UBAP2L: variants seen among roughly 807,000 people sequenced by gnomAD.
UBAP2L encodes ubiquitin-associated protein 2-like.
UBAP2L carries 12 observed loss-of-function variants against 130.6 expected under a neutral mutation model. That is an observed-to-expected ratio of 0.09 (90% CI 0.06 to 0.15). The LOEUF (loss-of-function observed/expected upper bound fraction) is 0.15, where lower values mean the gene tolerates loss of function less well. UBAP2L is among the 10% of genes least tolerant of loss of function. The probability of loss-of-function intolerance (pLI) is 1.00; values close to 1 mark genes in which losing one functional copy is unlikely to be tolerated. For synonymous variants in UBAP2L, 503 were observed against 524.7 expected, an observed-to-expected ratio of 0.96 and a Z score of 0.57; for missense variants, 965 against 1,332.5, an observed-to-expected ratio of 0.72 and a Z score of 4.29.
intron 22 of UBAP2L, among the ~76,000 whole-genome samples, chr1:154,260,607 A>T (rs1681239807): frequency 6.6e-6 from 1 of 152,216 alleles, no homozygotes; most frequent in African/African-American, 2.4e-5. Flanking sequence ...AAGAGGGAAG[A>T]TGAAAGAGAA....
At chr1:154,264,117 T>C (rs541727231) in intron 24 of UBAP2L, among the ~76,000 whole-genome samples, 1 of 152,378 alleles carries the variant, frequency 6.6e-6, no homozygotes, top group East Asian at 1.9e-4. Context: ...ATGGAAATTC[T>C]AATTCCCTCC....
intron 25 of UBAP2L, 39 bp downstream of exon 25, chr1:154,266,607 GAC>G: frequency 6.3e-7 from 1 of 1,598,030 alleles, no homozygotes; most frequent in Middle Eastern, 1.7e-4. Context: ...AAAAGAGATA[GAC>G]ATAGAGGAGG....
At chr1:154,243,553 T>C (rs1264131420) in intron 10 of UBAP2L, among the ~76,000 whole-genome samples, 1 of 152,130 alleles carries the variant, frequency 6.6e-6, no homozygotes, top group South Asian at 2.1e-4. Flanking sequence ...CTCTGCCTCC[T>C]GGGCTCAAGC....
intron 24 of UBAP2L, 81 bp from the exon 25 acceptor site, chr1:154,266,420 C>A: frequency 6.9e-7 from 1 of 1,442,818 alleles, no homozygotes; most frequent in Non-Finnish European, 9.8e-7. Context: ...GCTAGAAAGG[C>A]TACAGATATC....
At position 154,251,305 on chromosome 1, in the gene UBAP2L, C is replaced by T; in HGVS notation, c.1478C>T (p.Ser493Phe). The change falls in exon 13 of 27, where the codon TCC (serine) becomes TTC (phenylalanine). Residue 493 changes from serine (S) to phenylalanine (F), a missense_variant. Ser to Phe is a radical substitution (Grantham distance 155, BLOSUM62 -2). Around this residue, in one of 9 missense-constraint regions of UBAP2L, gnomAD observed 393 missense variants for 408.1 expected, o/e 0.96. Transcript: ENST00000428931. ...CTGAAACAGCAGAAGAAAAAAGCCT[C>T]CTTGACTTCTAAGGTACTTAAACTT... ...QKLKQQKKKA[S>F]LTSKIPALAV... The T allele has an allele frequency of 6.2e-7, 1 of 1,612,998 alleles. No individual in the cohort carries two copies. Among genetic ancestry groups the T allele is most frequent in the African/African-American group, 1.3e-5 (1 of 74,806 alleles).
At chr1:154,261,488 C>A in intron 23 of UBAP2L, 104 bp from the exon 24 acceptor site, 2 of 1,080,030 alleles carry the variant, frequency 1.9e-6, no homozygotes, top group Non-Finnish European at 2.9e-6. Flanking sequence ...CAACTTGCAT[C>A]AGGATAGGTA....
At position 154,255,668 on chromosome 1, in the gene UBAP2L, C is replaced by A; in HGVS notation, c.2085-15C>A. 1.2e-6 allele frequency: 2 copies of A among 1,614,054 alleles called. No individual in the cohort carries two copies. The highest frequency in any genetic ancestry group is 2.2e-5 in the South Asian group (2 of 91,086). ...ATAGCACTATGGCTGATGGCAGCCT[C>A]TTTTTTTCTGACAGCACGTTATCTA... On this transcript the variant is annotated splice_polypyrimidine_tract_variant and intron_variant, in intron 17 of 26. Coordinates refer to ENST00000428931, the MANE Select transcript of UBAP2L (RefSeq NM_014847.4).
At position 154,255,290 on chromosome 1, in the gene UBAP2L, A is replaced by G. The variant is rs1679260772; in HGVS notation, c.2048A>G (p.Glu683Gly). Residue 683 changes from glutamate to glycine, a missense_variant, in exon 17 of 27, where the codon GAG (glutamate) becomes GGG (glycine). Glu to Gly is a moderately conservative substitution (Grantham distance 98). Coordinates refer to ENST00000428931, the MANE Select transcript of UBAP2L (RefSeq NM_014847.4). ...TCCTTGGGTGGCTTGAGCCACAGTGAGGAGATTCCAAATACTACCACCACA... is the reference window on the plus strand; with the variant it reads ...TCCTTGGGTGGCTTGAGCCACAGTGGGGAGATTCCAAATACTACCACCACA... ...SSSLGGLSHS[E>G]EIPNTTTTQH... 1.2e-6 allele frequency: 2 copies of G among 1,614,048 alleles called. No homozygotes were observed. Among genetic ancestry groups the G allele is most frequent in the African/African-American group, 1.3e-5 (1 of 74,944 alleles).
chr1:154,256,624 A>G (rs1679766544), intron 18 of UBAP2L, among the ~76,000 whole-genome samples: 1 of 152,192 alleles, frequency 6.6e-6, no homozygotes, highest in Admixed American at 6.5e-5. Context: ...GGGCAACAGG[A>G]TGGGACCCTG....
At chr1:154,226,403 G>A (rs113479457) in intron 2 of UBAP2L, among the ~76,000 whole-genome samples, 4 of 152,328 alleles carry the variant, frequency 2.6e-5, no homozygotes, top group African/African-American at 9.6e-5. Context: ...GGTATGTAAT[G>A]TGAATGAATT....
Position 154,268,895 on chromosome 1 carries a change from A to AC in UBAP2L, c.3115dup (p.His1039ProfsTer25), listed in dbSNP as rs1291380552. ...ACCTGCCCCCTTTATGCACATTCTG[A>AC]CCCCCCATCAGCAGCCGCATTCTCA... On this transcript the variant is annotated frameshift_variant, in exon 26 of 27. Transcript: ENST00000428931. LOFTEE classifies it high-confidence loss of function. 7.1e-7 allele frequency: 1 copy of AC among 1,407,956 alleles called. No individual in the cohort carries two copies. The highest frequency in any genetic ancestry group is 9.6e-7 in the Non-Finnish European group (1 of 1,038,696). 87.2% of individuals were successfully genotyped at this position (1,407,956 alleles called of 1,614,324 possible).
intron 10 of UBAP2L, 58 bp downstream of exon 10, chr1:154,243,360 A>G: frequency 6.6e-7 from 1 of 1,524,300 alleles, no homozygotes; most frequent in Non-Finnish European, 9.0e-7. Flanking sequence ...AGATTACTGT[A>G]AAGAGAAGTG....
At position 154,255,733 on chromosome 1, in the gene UBAP2L, G is replaced by T. The variant is rs766006008; in HGVS notation, c.2135G>T (p.Arg712Leu). The T allele has an allele frequency of 1.2e-6, 2 of 1,614,110 alleles. No individual in the cohort carries two copies. The highest frequency in any genetic ancestry group is 2.2e-5 in the East Asian group (1 of 44,890). ...NTLSSSTSSG[R>L]TSTSTLLHTS... Reference sequence around the variant, plus strand: ...CTTTCATCATCAACATCTTCTGGGCGCACTTCGACATCCACTCTTTTGGTA... The same window carrying T: ...CTTTCATCATCAACATCTTCTGGGCTCACTTCGACATCCACTCTTTTGGTA... The change falls in exon 18 of 27, where the codon CGC (arginine) becomes CTC (leucine). Residue 712 changes from arginine (R) to leucine (L), a missense_variant. This residue lies in a region of UBAP2L where 393 missense variants were observed against 408.1 expected (regional missense o/e 0.96). Coordinates refer to ENST00000428931, the MANE Select transcript of UBAP2L (RefSeq NM_014847.4).
At chr1:154,242,932 A>ATTT in intron 9 of UBAP2L, 1 of 168,742 alleles carries the variant, frequency 5.9e-6, no homozygotes, top group Non-Finnish European at 1.2e-5. Flanking sequence ...TCTTTCTTTT[A>ATTT]TTTTTTTTTT....
intron 24 of UBAP2L, among the ~76,000 whole-genome samples, chr1:154,265,683 T>C (rs1427377848): frequency 6.6e-6 from 1 of 152,176 alleles, no homozygotes; most frequent in South Asian, 2.1e-4. Context: ...CTGGTTTCTT[T>C]AAAGTTGTAG....
At chr1:154,239,336 C>T (rs1178330446) in intron 8 of UBAP2L, among the ~76,000 whole-genome samples, 1 of 152,014 alleles carries the variant, frequency 6.6e-6, no homozygotes, top group African/African-American at 2.4e-5. Context: ...TGGTATGATA[C>T]ATCCAGGTGC....
chr1:154,250,893 T>C (rs886249312), intron 12 of UBAP2L, 148 bp from the exon 13 acceptor site: 11 of 576,882 alleles, frequency 1.9e-5, no homozygotes, highest in East Asian at 6.6e-5. Context: ...TTGTCACCTA[T>C]AGAAATGAGA....
intron 10 of UBAP2L, among the ~76,000 whole-genome samples, chr1:154,244,785 C>G (rs1219678485): frequency 6.6e-6 from 1 of 152,130 alleles, no homozygotes; most frequent in African/African-American, 2.4e-5. Flanking sequence ...TATCCTGAAG[C>G]TCTCCAAATC....
At chr1:154,227,548 G>GTTTTTT (rs140500910) in intron 3 of UBAP2L, among the ~76,000 whole-genome samples, 189 bp downstream of exon 3, 11 of 149,642 alleles carry the variant, frequency 7.4e-5, no homozygotes, top group Non-Finnish European at 3.0e-5. Context: ...CCTTTGTTTT[G>GTTTTTT]TTTTTTGTTT....
Sources: allele counts gnomAD v4.1 joint callset (sites outside exome capture counted in the v4.1 genomes callset), GRCh38; gene constraint gnomAD v4.1.1; regional missense constraint gnomAD v4.1.1; transcripts MANE v1.5; gene names NCBI Gene and HGNC (gene_info 2026-07-23, HGNC 2026-07-21).